OSGEPL1: variants seen among roughly 807,000 people sequenced by gnomAD.
The protein encoded by OSGEPL1 is O-sialoglycoprotein endopeptidase like 1, also known as tRNA N6-adenosine threonylcarbamoyltransferase, mitochondrial.
Under a neutral mutation model 37.2 loss-of-function variants are expected in OSGEPL1, and 26 were observed. That is an observed-to-expected ratio of 0.70 (90% CI 0.51 to 0.97). The LOEUF is 0.97. OSGEPL1 is among the 50% of genes least tolerant of loss of function. The pLI, the probability that OSGEPL1 is intolerant of heterozygous loss-of-function variation, is 0.00. For missense variants in OSGEPL1, 404 were observed against 487.0 expected, an observed-to-expected ratio of 0.83 and a Z score of 1.60; for synonymous variants, 140 against 159.9, an observed-to-expected ratio of 0.88 and a Z score of 0.94.
At position 189,752,960 on chromosome 2, in the gene OSGEPL1, G is replaced by GC. The variant is rs1400658902; in HGVS notation, c.982dup (p.Ala328GlyfsTer3). On this transcript the variant is annotated frameshift_variant, in exon 6 of 9. Coordinates refer to ENST00000264151, the MANE Select transcript of OSGEPL1 (RefSeq NM_022353.3). LOFTEE classifies it high-confidence loss of function. The stretch of plus-strand genomic sequence containing the variant: ...AGCTCTGCGGATATAGAAGTTACTT[G>GC]CGACACCACCAGATGCAACCTGAAG... The GC allele has an allele frequency of 6.2e-7, 1 of 1,612,400 alleles. No homozygotes were observed. Among genetic ancestry groups the GC allele is most frequent in the Non-Finnish European group, 8.5e-7 (1 of 1,179,414 alleles).
rs2045736402 is a variant in OSGEPL1, at chr2:189,754,341, G to T, written c.614C>A (p.Ala205Glu). Residue 205 changes from alanine (A) to glutamate (E), a missense_variant, in exon 4 of 9, where the codon GCA (alanine) becomes GAA (glutamate). By Grantham distance (107) the Ala-to-Glu change is moderately radical. Transcript: ENST00000264151. The part of the protein sequence containing the change: ...IAPGDMLDKV[A>E]RRLSLIKHPE... ...ATGTTTTATTAAAGAAAGTCTTCTTGCCACCTATCAAAGAAACATATTTTT... is the reference window on the plus strand; with the variant it reads ...ATGTTTTATTAAAGAAAGTCTTCTTTCCACCTATCAAAGAAACATATTTTT... 6.3e-7 allele frequency: 1 copy of T among 1,598,944 alleles called. No individual in the cohort carries two copies. Among genetic ancestry groups the T allele is most frequent in the Non-Finnish European group, 8.5e-7 (1 of 1,172,670 alleles).
Position 189,752,974 on chromosome 2 carries a change from T to C in OSGEPL1, c.969A>G (p.Ala323=), listed in dbSNP as rs16831960. The change falls in exon 6 of 9, where the codon GCA becomes GCG. Residue 323 remains alanine (A), a synonymous_variant. Coordinates refer to ENST00000264151, the MANE Select transcript of OSGEPL1 (RefSeq NM_022353.3). ...AGAAGTTACTTGCGACACCACCAGA[T>C]GCAACCTGAAGGAATTGAGAAAACC... ...LLPQNNAVLV[A]SGGVASNFYI... 112,315 of 1,609,016 alleles carry C rather than the reference T, an allele frequency of 0.07. 4,295 individuals carry two copies. The highest frequency in any genetic ancestry group is 0.12 in the South Asian group (10,788 of 90,028).
At chr2:189,760,050 T>C (rs991091840) in intron 2 of OSGEPL1, among the ~76,000 whole-genome samples, 2 of 152,230 alleles carry the variant, frequency 1.3e-5, no homozygotes, top group Non-Finnish European at 2.9e-5. Context: ...ACACAGCACA[T>C]GTTTCAGAGA....
chr2:189,757,842 G>A (rs2046313882), intron 2 of OSGEPL1, among the ~76,000 whole-genome samples: 2 of 152,332 alleles, frequency 1.3e-5, no homozygotes, highest in South Asian at 4.1e-4. Flanking sequence ...TGTTTGCCCA[G>A]TAGTCTCCTC....
chr2:189,760,899 A>G (rs2046954940), intron 2 of OSGEPL1, among the ~76,000 whole-genome samples: 1 of 152,212 alleles, frequency 6.6e-6, no homozygotes, highest in Non-Finnish European at 1.5e-5. Flanking sequence ...AGAGCTGAGT[A>G]GTGACCTCCT....
chr2:189,761,553 G>A lies in OSGEPL1; in HGVS notation c.88C>T (p.Pro30Ser). ...ATTTTATGAAGAAATAGTGTTCCAG[G>A]ATGAAAATTAAAACTTCTTAAAAAT... ...YEFLRSFNFH[P>S]GTLFLHKIVL... is the part of the protein sequence containing the mutation. The change falls in exon 2 of 9, where the codon CCT becomes TCT. Residue 30 changes from proline to serine, a missense_variant. By Grantham distance (74) the Pro-to-Ser change is moderately conservative. Transcript: ENST00000264151. The A allele has an allele frequency of 1.2e-6, 2 of 1,610,444 alleles. No homozygotes were observed. Among genetic ancestry groups the A allele is most frequent in the South Asian group, 2.2e-5 (2 of 89,830 alleles).
chr2:189,762,703 T>C lies in OSGEPL1; in HGVS notation c.-39A>G. The C allele has an allele frequency of 2.0e-6, 2 of 985,360 alleles. No individual in the cohort carries two copies. Among genetic ancestry groups the C allele is most frequent in the Non-Finnish European group, 2.4e-6 (2 of 829,946 alleles). The allele number at this position is 985,360 out of a possible 1,614,324, so 61.0% of individuals were successfully genotyped here. A position where few individuals can be genotyped will look rare whatever the true frequency, so the allele number is the denominator to read the frequency against. ...CACCCACCTTCCACTTGGGCGGCAG[T>C]AGCTAGCACTTGTCTCCTTTCCCTA... is the stretch of plus-strand genomic sequence containing the variant. On this transcript the variant is annotated 5_prime_UTR_variant, in exon 1 of 9. Transcript: ENST00000264151.
rs551712946 is a variant in OSGEPL1, at chr2:189,754,758, TG to T, written c.609+414del. Reference sequence around the variant, plus strand: ...TGTAGTATTCTAAAACAAAGGGGGGTGGGGGGGGACCCTGTCTGTGGTGTAA... The same window carrying T: ...TGTAGTATTCTAAAACAAAGGGGGGTGGGGGGGACCCTGTCTGTGGTGTAA... On this transcript the variant is annotated intron_variant, in intron 3 of 8. Transcript: ENST00000264151. 28 of 139,566 alleles carry T rather than the reference TG, an allele frequency of 2.0e-4. 1 individual carries two copies. The highest frequency in any genetic ancestry group is 3.4e-4 in the African/African-American group (4 of 11,802). 8.6% of individuals were successfully genotyped at this position (139,566 alleles called of 1,614,324 possible).
Position 189,754,010 on chromosome 2 carries a change from T to A in OSGEPL1, c.869A>T (p.Gln290Leu), listed in dbSNP as rs571507400. 1.1e-5 allele frequency: 17 copies of A among 1,613,734 alleles called. No individual in the cohort carries two copies. In the South Asian group the frequency reaches 1.8e-4, roughly 17 times the overall value. Reference protein sequence around the residue: ...SSAADIAATVQHTMACHLVKR... With the variant: ...SSAADIAATVLHTMACHLVKR... ...CACAAGATGACATGCCATTGTGTGC[T>A]GTACTGTGGCAGCAATGTCTGCTGC... Residue 290 changes from glutamine (Q) to leucine (L), a missense_variant, in exon 5 of 9, where the codon CAG becomes CTG. Gln to Leu is a moderately radical substitution (Grantham distance 113, BLOSUM62 -2). Transcript: ENST00000264151.
Position 189,752,205 on chromosome 2 carries a change from A to C in OSGEPL1, c.1166+448T>G, listed in dbSNP as rs1021331775. Among the ~76,000 whole-genome samples the C allele has an allele frequency of 2.6e-5, 4 of 152,310 alleles. 1 individual carries two copies. The South Asian group carries it at 8.3e-4, about 32-fold the overall frequency. On this transcript the variant is annotated intron_variant, in intron 7 of 8. Transcript: ENST00000264151. ...CTGGAACTTTGATTTGGGAGAGGAA[A>C]TAAGGCTTGCAGGAAACAGCTATCT...
In OSGEPL1 at chr2:189,749,195, G is replaced by T. The variant is rs555796012; in HGVS notation, c.*28+1355C>A. Among the ~76,000 whole-genome samples the T allele has an allele frequency of 4.3e-5, 6 of 140,544 alleles. No individual in the cohort carries two copies. The East Asian group carries it at 1.3e-3, about 29-fold the overall frequency. The allele number at this position is 140,544 out of a possible 152,430, so 92.2% of individuals were successfully genotyped here. ...TGGCAGACGGAGGTTGCAGTGAGCCGAGATCGAGCCATTGCACTCCAGTCT... is the reference window on the plus strand; with the variant it reads ...TGGCAGACGGAGGTTGCAGTGAGCCTAGATCGAGCCATTGCACTCCAGTCT... On this transcript the variant is annotated intron_variant, in intron 8 of 8. Transcript: ENST00000264151.
Position 189,759,415 on chromosome 2 carries a change from A to AT in OSGEPL1, c.221+2004dup, listed in dbSNP as rs564020719. On this transcript the variant is annotated intron_variant, in intron 2 of 8. Transcript: ENST00000264151. ...AGGCGTCCGCCACCACGCCTGGCTAATTTTTTTTGTATTTTTAGTAGAGAT... is the reference window on the plus strand; with the variant it reads ...AGGCGTCCGCCACCACGCCTGGCTAATTTTTTTTTGTATTTTTAGTAGAGAT... 7.5e-3 allele frequency among the ~76,000 whole-genome samples: 1,145 copies of AT among 151,874 alleles called. 10 individuals carry two copies. The highest frequency in any genetic ancestry group is 0.031 in the Middle Eastern group (9 of 294).
intron 7 of OSGEPL1, 27 bp downstream of exon 7, chr2:189,752,626 A>G (rs998580226): frequency 6.2e-7 from 1 of 1,611,488 alleles, no homozygotes; most frequent in Non-Finnish European, 8.5e-7. Context: ...TGTAACTTGC[A>G]TAAAGATCAT....
chr2:189,754,229 G>A lies in OSGEPL1; in HGVS notation c.726C>T (p.Pro242=), dbSNP rs2045725149. 1.2e-6 allele frequency: 2 copies of A among 1,613,884 alleles called. No homozygotes were observed. The highest frequency in any genetic ancestry group is 1.7e-6 in the Non-Finnish European group (2 of 1,179,818). ...AATCACAATTTTTAGCATGATGCAA[G>A]GGAGGTTTGATGTCAAAATGAAATC... The part of the protein sequence containing the change: ...GNRFHFDIKP[P]LHHAKNCDFS... The change falls in exon 4 of 9, where the codon CCC becomes CCT. Residue 242 remains proline, a synonymous_variant. Transcript: ENST00000264151.
chr2:189,752,485 A>C (rs556232288), intron 7 of OSGEPL1, among the ~76,000 whole-genome samples, 168 bp downstream of exon 7: 3 of 152,216 alleles, frequency 2.0e-5, no homozygotes, highest in Non-Finnish European at 4.4e-5. Flanking sequence ...CTGTAGCAAA[A>C]ATATTTCTCA....
At chr2:189,763,049 T>C (rs2047352261), upstream of OSGEPL1, 2 of 983,964 alleles carry the variant, frequency 2.0e-6, no homozygotes, top group African/African-American at 1.8e-5. Flanking sequence ...AAAAAGAAAT[T>C]TTTTTTTTGC....
chr2:189,752,949 A>G lies in OSGEPL1; in HGVS notation c.994T>C (p.Tyr332His), dbSNP rs1157293587. 9 of 1,612,976 alleles carry G rather than the reference A, an allele frequency of 5.6e-6. No homozygotes were observed. Among genetic ancestry groups the G allele is most frequent in the Non-Finnish European group, 6.8e-6 (8 of 1,179,612 alleles). Reference sequence around the variant, plus strand: ...AAAATTTCCAGAGCTCTGCGGATATAGAAGTTACTTGCGACACCACCAGAT... The same window carrying G: ...AAAATTTCCAGAGCTCTGCGGATATGGAAGTTACTTGCGACACCACCAGAT... ...VASGGVASNF[Y>H]IRRALEILTN... The change falls in exon 6 of 9, where the codon TAT becomes CAT. Residue 332 changes from tyrosine (Y) to histidine (H), a missense_variant. Transcript: ENST00000264151.
Position 189,751,444 on chromosome 2 carries a change from G to GTT in OSGEPL1, c.1167-790_1167-789dup, listed in dbSNP as rs779920289. On this transcript the variant is annotated intron_variant, in intron 7 of 8. Transcript: ENST00000264151. Reference sequence around the variant, plus strand: ...ACGGAATATAATGCTGACAAGTTGTGTTTTTTTTTTTTTTTTTTGAGATGG... The same window carrying GTT: ...ACGGAATATAATGCTGACAAGTTGTGTTTTTTTTTTTTTTTTTTTTGAGATGG... 1.4e-3 allele frequency among the ~76,000 whole-genome samples: 180 copies of GTT among 126,106 alleles called. 1 individual carries two copies. The highest frequency in any genetic ancestry group is 2.3e-3 in the African/African-American group (75 of 32,746). 82.7% of individuals were successfully genotyped at this position (126,106 alleles called of 152,430 possible). A position where few individuals can be genotyped will look rare whatever the true frequency, so the allele number is the denominator to read the frequency against.
At chr2:189,753,806 C>A in intron 5 of OSGEPL1, 110 bp downstream of exon 5, 3 of 1,165,832 alleles carry the variant, frequency 2.6e-6, no homozygotes, top group African/African-American at 1.5e-5. Flanking sequence ...ACTGTCAGGG[C>A]TAGCATAAGG....
Sources: allele counts gnomAD v4.1 joint callset (sites outside exome capture counted in the v4.1 genomes callset), GRCh38; gene constraint gnomAD v4.1.1; transcripts MANE v1.5; gene names NCBI Gene and HGNC (gene_info 2026-07-23, HGNC 2026-07-21).